B9D1: variants seen among roughly 807,000 people sequenced by gnomAD.
The protein encoded by B9D1 is B9 domain-containing protein 1.
A neutral mutation model predicts 26.1 loss-of-function variants in B9D1; 20 were observed. The observed-to-expected ratio is 0.77, with a 90% CI of 0.54 to 1.12. The LOEUF is 1.12. Ranked by LOEUF, B9D1 falls within the 50% of genes most tolerant of loss-of-function variation. B9D1 has a pLI of 0.00. For missense variants in B9D1, 260 were observed against 273.7 expected (o/e 0.95, Z 0.35); for synonymous variants, 105 against 103.1 (o/e 1.02, Z -0.11).
In B9D1 at chr17:19,343,821, G is replaced by C. The variant is rs747003807; in HGVS notation, c.441C>G (p.Pro147=). ...GGCCTTCACCCTGAGCCACCACCTT[G>C]GGGTCTGTGTACTCGGGCCGCCGCC... ...FMGRRPEYTD[P]KVVAQGEGRE... Residue 147 remains proline (P), a synonymous_variant, in exon 6 of 7, where the codon CCC becomes CCG. Transcript: ENST00000261499. 1.9e-6 allele frequency: 3 copies of C among 1,614,112 alleles called. No homozygotes were observed. The South Asian group carries it at 3.3e-5, about 18-fold the overall frequency.
chr17:19,350,576 C>T (rs538996594), intron 3 of B9D1, among the ~76,000 whole-genome samples: 43 of 151,978 alleles, frequency 2.8e-4, no homozygotes, highest in African/African-American at 1.0e-3. Flanking sequence ...CAAAAATTAG[C>T]CGGGCATGGT....
At chr17:19,361,074 G>T (rs547502349) in intron 1 of B9D1, among the ~76,000 whole-genome samples, 1 of 152,102 alleles carries the variant, frequency 6.6e-6, no homozygotes, top group Admixed American at 6.5e-5. Flanking sequence ...CTGCACATGT[G>T]GGGGATCTAG....
At chr17:19,352,450 T>G (rs1235635378) in intron 3 of B9D1, among the ~76,000 whole-genome samples, 2 of 151,822 alleles carry the variant, frequency 1.3e-5, no homozygotes, top group Non-Finnish European at 2.9e-5. Context: ...GATCAAGTGA[T>G]TCTCCTGCCT....
At chr17:19,349,389 A>AC (rs1909288959) in intron 3 of B9D1, among the ~76,000 whole-genome samples, 1 of 66,592 alleles carries the variant, frequency 1.5e-5, no homozygotes. Context: ...TTCATTAAAA[A>AC]CATTTTTTTT....
At chr17:19,349,040 C>A (rs1909238132) in intron 3 of B9D1, among the ~76,000 whole-genome samples, 1 of 152,180 alleles carries the variant, frequency 6.6e-6, no homozygotes, top group Admixed American at 6.5e-5. Context: ...AAGAATGACA[C>A]TGCACAGGGC....
downstream of B9D1, chr17:19,336,577 G>GC (rs1176981357): frequency 2.0e-5 from 3 of 152,580 alleles, no homozygotes; most frequent in Non-Finnish European, 4.4e-5. Context: ...GTGCCATCGT[G>GC]CTCCCTCCTG....
downstream of B9D1, chr17:19,335,471 TTG>T: frequency 6.5e-7 from 1 of 1,549,694 alleles, no homozygotes. Flanking sequence ...ATCTTTAACC[TTG>T]TGTGTCTGTG....
upstream of B9D1, chr17:19,364,365 A>G (rs1410157211): frequency 6.6e-6 from 1 of 152,308 alleles, no homozygotes; most frequent in Non-Finnish European, 1.5e-5. The surrounding 1 kb of genome is among the most constrained non-coding windows in gnomAD (Gnocchi z 4.3). Flanking sequence ...TAGTGGCATT[A>G]GAAGCGACTT....
chr17:19,343,619 G>A, intron 6 of B9D1, 158 bp from the exon 7 acceptor site: 1 of 1,574,940 alleles, frequency 6.3e-7, no homozygotes, highest in Admixed American at 1.9e-5. Context: ...GCCGGGACAG[G>A]CAGACATGAC....
intron 5 of B9D1, among the ~76,000 whole-genome samples, chr17:19,346,666 G>A (rs1393793413): frequency 6.6e-6 from 1 of 152,146 alleles, no homozygotes; most frequent in Non-Finnish European, 1.5e-5. Flanking sequence ...AGGCCCTTGT[G>A]TCCTGGCCCC....
chr17:19,376,679 T>C (rs1912135986), intron 1 of B9D1, among the ~76,000 whole-genome samples: 1 of 135,564 alleles, frequency 7.4e-6, no homozygotes, highest in Admixed American at 7.6e-5. Context: ...ATGCCTGTGA[T>C]CCCAGCTATT....
At chr17:19,342,135 G>GGGAGT (rs1908037817), downstream of B9D1, among the ~76,000 whole-genome samples, 1 of 152,208 alleles carries the variant, frequency 6.6e-6, no homozygotes, top group South Asian at 2.1e-4. Context: ...ACCGCACATG[G>GGGAGT]GGAGTGGGAG....
At chr17:19,377,913 G>C (rs575370576) in exon 1 of B9D1, 2 of 985,286 alleles carry the variant, frequency 2.0e-6, no homozygotes, top group Non-Finnish European at 2.4e-6. Flanking sequence ...GCTGCGGAGA[G>C]GCTCAGCCAC....
chr17:19,350,803 T>A (rs1336379416), intron 3 of B9D1, among the ~76,000 whole-genome samples: 1 of 152,054 alleles, frequency 6.6e-6, no homozygotes, highest in Non-Finnish European at 1.5e-5. Context: ...AATTTTACCA[T>A]GTGTTTTCTT....
intron 5 of B9D1, chr17:19,344,482 A>G (rs1418898337): frequency 7.2e-6 from 2 of 277,478 alleles, no homozygotes; most frequent in Non-Finnish European, 1.5e-5. Flanking sequence ...GCGGGAGGCC[A>G]GGAGGCCGGG....
In B9D1 at chr17:19,347,446, C is replaced by G; in HGVS notation, c.342-115G>C. ...AGCTGCAGCGTGGGCCAAGTCAGGG[C>G]CAATGTCAACGAATCCAACCTGTGC... On this transcript the variant is annotated intron_variant, in intron 4 of 6. Transcript: ENST00000261499. The surrounding 1 kb of genome is among the most constrained non-coding windows in gnomAD (Gnocchi z 4.3). 8.0e-7 allele frequency: 1 copy of G among 1,254,172 alleles called. No homozygotes were observed. The highest frequency in any genetic ancestry group is 1.2e-6 in the Non-Finnish European group (1 of 868,474). The allele number at this position is 1,254,172 out of a possible 1,614,324, so 77.7% of individuals were successfully genotyped here.
At chr17:19,335,523 G>A, downstream of B9D1, 1 of 1,515,290 alleles carries the variant, frequency 6.6e-7, no homozygotes, top group Non-Finnish European at 8.9e-7. Context: ...TAAAGATGGG[G>A]ATAATGTGGA....
At chr17:19,341,263 G>A, downstream of B9D1, 3 of 1,231,818 alleles carry the variant, frequency 2.4e-6, no homozygotes, top group Non-Finnish European at 3.0e-6. Flanking sequence ...GTGGACCAAG[G>A]CCAGTGCCCT....
chr17:19,341,106 T>C (rs1808964620), downstream of B9D1: 4 of 1,225,144 alleles, frequency 3.3e-6, no homozygotes, highest in Non-Finnish European at 4.1e-6. Context: ...ATTTCAGTAA[T>C]GTTGAGAAAA....
Sources: gnomAD v4.1 joint callset for allele counts (sites outside exome capture counted in the v4.1 genomes callset) on GRCh38, gnomAD v4.1.1 for gene constraint, Gnocchi (gnomAD v3.1) non-coding constraint, MANE v1.5 for transcripts, NCBI Gene and HGNC (gene_info 2026-07-23, HGNC 2026-07-21) for gene names.